PCDH9: variants seen among roughly 807,000 people sequenced by gnomAD.
The protein encoded by PCDH9 is protocadherin-9.
PCDH9 carries 24 observed loss-of-function variants against 70.6 expected under a neutral mutation model. The ratio of observed to expected loss-of-function variants is 0.34; its 90% confidence interval spans 0.25 to 0.48. The LOEUF (loss-of-function observed/expected upper bound fraction) is 0.48. PCDH9 is among the 20% of genes least tolerant of loss of function. PCDH9 has a pLI of 0.99. For missense variants in PCDH9, 1,281 were observed against 1,503.6 expected (o/e 0.85, Z 2.45); for synonymous variants, 562 against 558.5 (o/e 1.01, Z -0.09).
intron 4 of PCDH9, among the ~76,000 whole-genome samples, chr13:66,441,251 C>T (rs1203477680): frequency 1.2e-4 from 18 of 152,032 alleles, no homozygotes; most frequent in African/African-American, 4.8e-5. Flanking sequence ...AGGCATGGGC[C>T]GAGAAGCTGC....
At chr13:66,609,632 ACT>A (rs2077265982) in intron 4 of PCDH9, among the ~76,000 whole-genome samples, 2 of 152,066 alleles carry the variant, frequency 1.3e-5, no homozygotes, top group South Asian at 4.1e-4. Flanking sequence ...GAATTTTAAC[ACT>A]GTTTATTCAA....
At chr13:66,646,745 G>C (rs1397759341) in intron 3 of PCDH9, among the ~76,000 whole-genome samples, 1 of 152,148 alleles carries the variant, frequency 6.6e-6, no homozygotes, top group Non-Finnish European at 1.5e-5. Flanking sequence ...CAAAAGTCAA[G>C]TGAATGATCA....
intron 4 of PCDH9, among the ~76,000 whole-genome samples, chr13:66,341,119 T>A (rs1956116582): frequency 6.6e-6 from 1 of 152,126 alleles, no homozygotes; most frequent in South Asian, 2.1e-4. Context: ...ATTTATTTTT[T>A]ATTTTATTTA....
intron 3 of PCDH9, among the ~76,000 whole-genome samples, chr13:66,867,145 C>A (rs2081591016): frequency 6.6e-6 from 1 of 151,444 alleles, no homozygotes; most frequent in Admixed American, 6.6e-5. Flanking sequence ...AATGATCATT[C>A]TCTTGTTAGT....
intron 3 of PCDH9, among the ~76,000 whole-genome samples, chr13:66,639,682 A>G (rs1177869796): frequency 1.3e-5 from 2 of 152,198 alleles, no homozygotes; most frequent in Non-Finnish European, 2.9e-5. Context: ...ATTAGAGAAA[A>G]AAGAAAGTTC....
At chr13:66,389,271 A>G (rs1956979853) in intron 4 of PCDH9, among the ~76,000 whole-genome samples, 1 of 152,136 alleles carries the variant, frequency 6.6e-6, no homozygotes, top group African/African-American at 2.4e-5. Flanking sequence ...TCATTTTCCA[A>G]ACTATGTTTT....
chr13:67,159,835 A>T (rs532728120), intron 2 of PCDH9, among the ~76,000 whole-genome samples: 1 of 152,238 alleles, frequency 6.6e-6, no homozygotes, highest in South Asian at 2.1e-4. Context: ...AGATACTGTA[A>T]TAAAGAAGCA....
chr13:66,674,685 C>T (rs2078219987), intron 3 of PCDH9, among the ~76,000 whole-genome samples: 1 of 151,972 alleles, frequency 6.6e-6, no homozygotes, highest in South Asian at 2.1e-4. Context: ...TACTCTATGG[C>T]AATTGTTGAT....
At chr13:66,769,191 A>C (rs2079764826) in intron 3 of PCDH9, among the ~76,000 whole-genome samples, 1 of 152,062 alleles carries the variant, frequency 6.6e-6, no homozygotes, top group Non-Finnish European at 1.5e-5. Context: ...ACAGGGTTCC[A>C]GTAAAGGAAA....
intron 4 of PCDH9, among the ~76,000 whole-genome samples, chr13:66,308,056 T>C (rs1050224466): frequency 7.9e-5 from 12 of 152,092 alleles, no homozygotes; most frequent in African/African-American, 2.9e-4. Flanking sequence ...CTGGGAGCTA[T>C]TCTGGGAAAC....
chr13:67,094,680 G>A (rs1206252168), intron 2 of PCDH9, among the ~76,000 whole-genome samples: 4 of 147,626 alleles, frequency 2.7e-5, no homozygotes, highest in East Asian at 2.0e-4. Context: ...TTTTTTTTTC[G>A]GTCTTCATAA....
intron 2 of PCDH9, among the ~76,000 whole-genome samples, chr13:66,968,676 C>G (rs1379395502): frequency 6.6e-6 from 1 of 151,974 alleles, no homozygotes; most frequent in Non-Finnish European, 1.5e-5. Context: ...TAAGCATAAC[C>G]TATCATACAT....
intron 3 of PCDH9, among the ~76,000 whole-genome samples, chr13:66,719,108 GA>G (rs2078908325): frequency 6.6e-6 from 1 of 152,110 alleles, no homozygotes; most frequent in Non-Finnish European, 1.5e-5. Context: ...AATCAATCCC[GA>G]AGATGTAGTC....
intron 4 of PCDH9, among the ~76,000 whole-genome samples, chr13:66,366,861 G>C (rs951224379): frequency 7.2e-5 from 11 of 152,152 alleles, no homozygotes; most frequent in African/African-American, 1.9e-4. Flanking sequence ...ACCTGAGTTA[G>C]TTTTATAGTA....
chr13:66,537,305 T>C (rs1000660328), intron 4 of PCDH9, among the ~76,000 whole-genome samples: 4 of 152,026 alleles, frequency 2.6e-5, no homozygotes, highest in Non-Finnish European at 5.9e-5. Flanking sequence ...AAGGTCTGGA[T>C]TGAAGTGAAC....
intron 4 of PCDH9, among the ~76,000 whole-genome samples, chr13:66,470,002 C>T (rs1282449727): frequency 6.6e-6 from 1 of 152,066 alleles, no homozygotes; most frequent in Non-Finnish European, 1.5e-5. Flanking sequence ...CACTTTTAAC[C>T]GTGATCTCTG....
At chr13:66,836,591 G>A (rs1429826450) in intron 3 of PCDH9, among the ~76,000 whole-genome samples, 1 of 152,086 alleles carries the variant, frequency 6.6e-6, no homozygotes, top group Non-Finnish European at 1.5e-5. Flanking sequence ...TCACTAAGCA[G>A]TAATTTTTAC....
At chr13:66,691,170 G>A (rs8001910) in intron 3 of PCDH9, among the ~76,000 whole-genome samples, 1 of 151,976 alleles carries the variant, frequency 6.6e-6, no homozygotes, top group African/African-American at 2.4e-5. Flanking sequence ...CCAAGCAGCT[G>A]GAATTACAGG....
intron 2 of PCDH9, among the ~76,000 whole-genome samples, chr13:66,987,802 T>TGACA (rs1414853722): frequency 6.6e-6 from 1 of 152,086 alleles, no homozygotes; most frequent in Non-Finnish European, 1.5e-5. Context: ...AAATGTCTTA[T>TGACA]TTGAAAATGT....
Sources: gnomAD v4.1 joint callset for allele counts (sites outside exome capture counted in the v4.1 genomes callset) on GRCh38, gnomAD v4.1.1 for gene constraint, MANE v1.5 for transcripts, NCBI Gene and HGNC (gene_info 2026-07-23, HGNC 2026-07-21) for gene names.